Variants in LRP1B observed in about 807,000 individuals in gnomAD.
LRP1B encodes the protein LDL receptor related protein 1B, also known as low-density lipoprotein receptor-related protein 1B.
Under a neutral mutation model 556.6 loss-of-function variants are expected in LRP1B, and 217 were observed. That is an observed-to-expected ratio of 0.39 (90% confidence interval 0.35 to 0.44). The LOEUF (loss-of-function observed/expected upper bound fraction) is 0.44, where lower values mean the gene tolerates loss of function less well. Among genes scored for constraint, LRP1B ranks in the 20% least tolerant of loss-of-function variants. LRP1B has a pLI of 1.00. For synonymous variants in LRP1B, 2,047 were observed against 1,865.8 expected (o/e 1.10, Z -2.50); for missense variants, 5,053 against 5,620.8 (o/e 0.90, Z 3.23).
chr2:140,917,812 A>C lies in LRP1B; in HGVS notation c.3319+5153T>G, dbSNP rs1011293734. Among the ~76,000 whole-genome samples the C allele has an allele frequency of 3.3e-5, 5 of 152,252 alleles. No homozygotes were observed. In the South Asian group the frequency reaches 1.0e-3, roughly 32 times the overall value. ...AAGACCCATAGAATATACAACATCTAAATAAAGTAAACCGTCATGTAAACC... is the reference window on the plus strand; with the variant it reads ...AAGACCCATAGAATATACAACATCTCAATAAAGTAAACCGTCATGTAAACC... On this transcript the variant is annotated intron_variant, in intron 21 of 90. Transcript: ENST00000389484.
At chr2:140,574,888 T>C (rs541836894) in intron 43 of LRP1B, among the ~76,000 whole-genome samples, 1 of 152,320 alleles carries the variant, frequency 6.6e-6, no homozygotes, top group South Asian at 2.1e-4. Flanking sequence ...TTAAGTGTAA[T>C]ATGTGATAAA....
intron 2 of LRP1B, among the ~76,000 whole-genome samples, chr2:141,722,949 C>A (rs1692889588): frequency 6.6e-6 from 1 of 152,146 alleles, no homozygotes; most frequent in South Asian, 2.1e-4. Flanking sequence ...TCCAGTCTTA[C>A]ATTGATGAAT....
chr2:141,699,965 C>A (rs1025013326), intron 2 of LRP1B, among the ~76,000 whole-genome samples: 1 of 150,386 alleles, frequency 6.6e-6, no homozygotes, highest in African/African-American at 2.4e-5. Flanking sequence ...AAGATTCAAC[C>A]AAAGAATATA....
At chr2:140,842,848 A>G (rs1357753641) in intron 29 of LRP1B, among the ~76,000 whole-genome samples, 1 of 151,922 alleles carries the variant, frequency 6.6e-6, no homozygotes, top group East Asian at 1.9e-4. Context: ...CTTTTTTCTT[A>G]CCTGTGAAAT....
At chr2:141,314,863 T>TATACATATATAC (rs1382634761) in intron 3 of LRP1B, among the ~76,000 whole-genome samples, 1 of 142,688 alleles carries the variant, frequency 7.0e-6, no homozygotes, top group East Asian at 2.0e-4. Context: ...TATACATATA[T>TATACATATATAC]ATACATATAT....
At chr2:141,983,932 G>T (rs192891905) in intron 1 of LRP1B, among the ~76,000 whole-genome samples, 11 of 152,068 alleles carry the variant, frequency 7.2e-5, no homozygotes, top group Admixed American at 2.0e-4. Flanking sequence ...ATAGTGGCAG[G>T]TGCCTATAAT....
chr2:140,475,302 T>A lies in LRP1B; in HGVS notation c.9461A>T (p.His3154Leu). The A allele has an allele frequency of 6.2e-7, 1 of 1,608,570 alleles. No individual in the cohort carries two copies. Among genetic ancestry groups the A allele is most frequent in the Non-Finnish European group, 8.5e-7 (1 of 1,176,712 alleles). The change falls in exon 60 of 91, where the codon CAT becomes CTT. Residue 3154 changes from histidine to leucine, a missense_variant. Coordinates refer to ENST00000389484, the MANE Select transcript of LRP1B (RefSeq NM_018557.3). ...LYWIDCCEYP[H>L]IGRVGMDGTN... Reference sequence around the variant, plus strand: ...TCCATCCATTCCAACACGGCCAATATGAGGATACTCGCAGCAGTCAATCCA... The same window carrying A: ...TCCATCCATTCCAACACGGCCAATAAGAGGATACTCGCAGCAGTCAATCCA...
At chr2:140,986,088 C>T (rs908181172) in intron 17 of LRP1B, among the ~76,000 whole-genome samples, 1 of 146,346 alleles carries the variant, frequency 6.8e-6, no homozygotes, top group Admixed American at 6.9e-5. Context: ...ATAAATAGTA[C>T]TGTTTATTTT....
At chr2:141,216,403 T>G (rs1682816454) in intron 6 of LRP1B, among the ~76,000 whole-genome samples, 1 of 152,218 alleles carries the variant, frequency 6.6e-6, no homozygotes, top group Non-Finnish European at 1.5e-5. Context: ...AGAAGCCTGA[T>G]GCAGAAGTGG....
chr2:141,136,220 T>C (rs940903426), intron 7 of LRP1B, among the ~76,000 whole-genome samples: 2 of 151,940 alleles, frequency 1.3e-5, no homozygotes, highest in African/African-American at 2.4e-5. Context: ...CAGAGTGTGC[T>C]GCTGAGAGTT....
In LRP1B at chr2:140,922,951, C is replaced by T. The variant is rs755047736; in HGVS notation, c.3319+14G>A. The T allele has an allele frequency of 6.2e-7, 1 of 1,606,784 alleles. No homozygotes were observed. Among genetic ancestry groups the T allele is most frequent in the South Asian group, 1.1e-5 (1 of 90,194 alleles). ...AGGGAGACCCAATAGAAGCCAAAAG[C>T]AATGTTCACTTACCTGTACTCCAAC... On this transcript the variant is annotated intron_variant, in intron 21 of 90. Transcript: ENST00000389484.
intron 2 of LRP1B, among the ~76,000 whole-genome samples, chr2:141,700,606 C>T (rs1691907414): frequency 6.6e-6 from 1 of 151,748 alleles, no homozygotes; most frequent in African/African-American, 2.4e-5. Context: ...TTACCTTCTC[C>T]TGCGCTATTT....
At chr2:141,925,391 GAA>G (rs1700307095) in intron 1 of LRP1B, among the ~76,000 whole-genome samples, 1 of 152,080 alleles carries the variant, frequency 6.6e-6, no homozygotes, top group Admixed American at 6.5e-5. Flanking sequence ...TACATCACAG[GAA>G]GGTCATGCCT....
chr2:141,166,432 G>GT lies in LRP1B; in HGVS notation c.1013+21988dup, dbSNP rs1236483560. Reference sequence around the variant, plus strand: ...ATAATAGGTGTATATATTTAATGGGGTACTTGAGATATTTTGATATAGGCA... The same window carrying GT: ...ATAATAGGTGTATATATTTAATGGGGTTACTTGAGATATTTTGATATAGGCA... On this transcript the variant is annotated intron_variant, in intron 7 of 90. Transcript: ENST00000389484. Among the ~76,000 whole-genome samples, 3 of 147,900 alleles carry GT rather than the reference G, an allele frequency of 2.0e-5. No homozygotes were observed. The East Asian group carries it at 5.9e-4, about 29-fold the overall frequency.
chr2:141,437,867 C>T (rs181671059), intron 3 of LRP1B, among the ~76,000 whole-genome samples: 1 of 152,038 alleles, frequency 6.6e-6, no homozygotes, highest in Admixed American at 6.6e-5. Context: ...GGAACTAAGA[C>T]CTTCTGCAAG....
chr2:141,883,712 A>G (rs78879873), intron 1 of LRP1B, among the ~76,000 whole-genome samples: 2,960 of 152,218 alleles, frequency 0.019, 40 homozygotes, highest in Non-Finnish European at 0.03. Flanking sequence ...TGACAGAATG[A>G]GACCCATCTC....
chr2:140,573,955 T>G (rs1047381231), intron 43 of LRP1B, among the ~76,000 whole-genome samples: 6 of 152,108 alleles, frequency 3.9e-5, no homozygotes, highest in African/African-American at 9.6e-5. Context: ...ATGCTTCTTA[T>G]GGCCTATAAA....
chr2:140,999,705 A>G (rs1697356642), intron 15 of LRP1B, among the ~76,000 whole-genome samples: 1 of 152,038 alleles, frequency 6.6e-6, no homozygotes, highest in Non-Finnish European at 1.5e-5. Context: ...TCCTATTAAG[A>G]TATTTGTATC....
chr2:141,009,951 C>A (rs1269153641), intron 14 of LRP1B, among the ~76,000 whole-genome samples: 1 of 151,940 alleles, frequency 6.6e-6, no homozygotes. Flanking sequence ...TACTGTGTTT[C>A]TTGAGGGCCA....
Sources: gnomAD v4.1 joint callset for allele counts (sites outside exome capture counted in the v4.1 genomes callset) on GRCh38, gnomAD v4.1.1 for gene constraint, MANE v1.5 for transcripts, NCBI Gene and HGNC (gene_info 2026-07-23, HGNC 2026-07-21) for gene names.